The following PHF3 variants were observed in gnomAD, a reference collection of about 807,000 sequenced individuals.
The protein encoded by PHF3 is PHD finger protein 3.
PHF3 carries 41 observed loss-of-function variants against 178.4 expected under a neutral mutation model. That is an observed-to-expected ratio of 0.23 (90% CI 0.18 to 0.30). The LOEUF (loss-of-function observed/expected upper bound fraction) is 0.30. Ranked by LOEUF, PHF3 falls within the 10% of genes least tolerant of loss-of-function variation. The probability of loss-of-function intolerance (pLI) is 1.00; values close to 1 mark genes in which losing one functional copy is unlikely to be tolerated. For synonymous variants in PHF3, 842 were observed against 800.5 expected, an observed-to-expected ratio of 1.05 and a Z score of -0.88; for missense variants, 2,346 against 2,398.1, an observed-to-expected ratio of 0.98 and a Z score of 0.45.
chr6:63,658,708 T>G (rs1021740704), intron 2 of PHF3, among the ~76,000 whole-genome samples: 1 of 145,216 alleles, frequency 6.9e-6, no homozygotes, highest in Non-Finnish European at 1.5e-5. Flanking sequence ...CCAATAGATT[T>G]TGTGTGTGTG....
intron 1 of PHF3, among the ~76,000 whole-genome samples, chr6:63,645,986 C>T (rs1337669955): frequency 2.0e-5 from 3 of 152,046 alleles, no homozygotes; most frequent in Admixed American, 2.0e-4. Context: ...TCTTCCCCCA[C>T]AATAAAAGCC....
At chr6:63,676,788 G>A (rs920308190) in intron 2 of PHF3, among the ~76,000 whole-genome samples, 1 of 152,198 alleles carries the variant, frequency 6.6e-6, no homozygotes, top group African/African-American at 2.4e-5. Context: ...AGTGATAACT[G>A]TGTGGAGAAT....
intron 2 of PHF3, among the ~76,000 whole-genome samples, chr6:63,655,170 T>G (rs1309400117): frequency 6.6e-6 from 1 of 152,044 alleles, no homozygotes. Context: ...TTCAAGCAAT[T>G]CTCCTGCCTC....
chr6:63,648,182 T>G (rs988320608), intron 2 of PHF3, among the ~76,000 whole-genome samples: 1 of 152,214 alleles, frequency 6.6e-6, no homozygotes, highest in Non-Finnish European at 1.5e-5. Context: ...GTGTTATTAC[T>G]TAGGTTTACA....
Position 63,636,082 on chromosome 6 carries a change from T to G in PHF3, c.-94T>G, listed in dbSNP as rs1215818770. 1 of 391,706 alleles carries G rather than the reference T, an allele frequency of 2.6e-6. No individual in the cohort carries two copies. The highest frequency in any genetic ancestry group is 2.1e-5 in the African/African-American group (1 of 48,234). 24.3% of individuals were successfully genotyped at this position (391,706 alleles called of 1,614,324 possible). On this transcript the variant is annotated 5_prime_UTR_variant, in exon 1 of 16. Transcript: ENST00000262043. ...CACCCACCGGGCCCCCTCCTCCTCC[T>G]CTTCGGCGGCGGCAGCGTCCACCAT...
intron 2 of PHF3, among the ~76,000 whole-genome samples, chr6:63,651,340 C>T (rs1467762157): frequency 6.6e-6 from 1 of 152,018 alleles, no homozygotes; most frequent in South Asian, 2.1e-4. Context: ...ATTTATTCCT[C>T]CTATCTAGCT....
In PHF3 at chr6:63,685,757, A is replaced by G. The variant is rs916172861; in HGVS notation, c.2035A>G (p.Lys679Glu). ...ACAACCCCGCCAAAGAAGAAGCAGC[A>G]AAAGTTTTTCTTTAGATGAGCCACC... is the stretch of plus-strand genomic sequence containing the variant. Reference protein sequence around the residue: ...NLQPRQRRSSKSFSLDEPPLF... With the variant: ...NLQPRQRRSSESFSLDEPPLF... Residue 679 changes from lysine to glutamate, a missense_variant, in exon 4 of 16, where the codon AAA becomes GAA. Lys to Glu is a moderately conservative substitution (Grantham distance 56, BLOSUM62 1). Transcript: ENST00000262043. The G allele has an allele frequency of 1.9e-6, 3 of 1,614,072 alleles. No individual in the cohort carries two copies. The highest frequency in any genetic ancestry group is 1.3e-5 in the African/African-American group (1 of 74,940).
chr6:63,694,049 G>A (rs191394232), intron 5 of PHF3, among the ~76,000 whole-genome samples: 11 of 152,248 alleles, frequency 7.2e-5, no homozygotes, highest in Admixed American at 2.0e-4. Context: ...ACTATATAGC[G>A]TTCCTCTCCC....
rs948292335 is a variant in PHF3 at position 63,694,596 on chromosome 6, A to G, written c.2512A>G (p.Arg838Gly). Residue 838 changes from arginine to glycine, a missense_variant, in exon 6 of 16, where the codon AGA (arginine) becomes GGA (glycine). Around this residue, in one of 8 missense-constraint regions of PHF3, gnomAD observed 252 missense variants for 232.0 expected, o/e 1.09. Transcript: ENST00000262043. ...KILKRESGEG[R>G]NSSDCRDNEI... is the part of the protein sequence containing the mutation. ...CATTTTCCAGGAGTCTGGTGAAGGC[A>G]GAAATTCATCAGACTGTAGAGATAA... The G allele has an allele frequency of 6.5e-7, 1 of 1,527,054 alleles. No individual in the cohort carries two copies. Among genetic ancestry groups the G allele is most frequent in the Admixed American group, 2.1e-5 (1 of 47,930 alleles). 94.6% of individuals were successfully genotyped at this position (1,527,054 alleles called of 1,614,324 possible).
intron 5 of PHF3, among the ~76,000 whole-genome samples, chr6:63,692,853 C>G (rs1160416456): frequency 2.0e-5 from 3 of 152,182 alleles, no homozygotes; most frequent in Non-Finnish European, 4.4e-5. Flanking sequence ...CTGAAATTTG[C>G]ATCCCTGAAT....
rs1036782500 is a variant in PHF3 at position 63,715,560 on chromosome 6, C to G, written c.*1852C>G. On this transcript the variant is annotated 3_prime_UTR_variant, in exon 16 of 16. Coordinates refer to ENST00000262043, the MANE Select transcript of PHF3 (RefSeq NM_001370348.2). ...AAACGAGTGGGTTAATGAATGAAAA[C>G]AAGCTTTTAGGTCAGTTTTTGATCA... is the stretch of plus-strand genomic sequence containing the variant. 1.3e-5 allele frequency: 2 copies of G among 152,042 alleles called. No homozygotes were observed. The highest frequency in any genetic ancestry group is 4.8e-5 in the African/African-American group (2 of 41,416). 9.4% of individuals were successfully genotyped at this position (152,042 alleles called of 1,614,324 possible).
At chr6:63,669,824 A>G (rs1765832779) in intron 2 of PHF3, among the ~76,000 whole-genome samples, 2 of 152,200 alleles carry the variant, frequency 1.3e-5, no homozygotes, top group African/African-American at 4.8e-5. Context: ...ATGGAGCAAG[A>G]TACATTTTAC....
intron 2 of PHF3, among the ~76,000 whole-genome samples, chr6:63,649,423 A>ATATGTAT (rs2149542949): frequency 6.6e-6 from 1 of 152,310 alleles, no homozygotes; most frequent in African/African-American, 2.4e-5. Context: ...AAATAATCCT[A>ATATGTAT]TATGTATTCC....
chr6:63,664,994 A>G (rs1177186068), intron 2 of PHF3, among the ~76,000 whole-genome samples: 2 of 152,154 alleles, frequency 1.3e-5, no homozygotes, highest in Admixed American at 6.5e-5. Flanking sequence ...ACTACTAGGA[A>G]GTGGTTACAT....
rs1197462705 is a variant in PHF3, at chr6:63,716,681, T to C, written c.*2973T>C. On this transcript the variant is annotated 3_prime_UTR_variant, in exon 16 of 16. Coordinates refer to ENST00000262043, the MANE Select transcript of PHF3 (RefSeq NM_001370348.2). ...GAGACTTTCAGGGAGATTCCTTTTT[T>C]TTTGCGCCTTGGTTTCTAGCTTCTA... Among the ~76,000 whole-genome samples the C allele has an allele frequency of 6.6e-6, 1 of 151,984 alleles. No homozygotes were observed. The highest frequency in any genetic ancestry group is 2.4e-5 in the African/African-American group (1 of 41,390).
intron 5 of PHF3, among the ~76,000 whole-genome samples, chr6:63,694,217 A>G (rs923382246): frequency 6.6e-6 from 1 of 152,242 alleles, no homozygotes. Flanking sequence ...GCCAATAGGC[A>G]TACTGAGAAC....
At chr6:63,700,696 G>T (rs1213404771) in intron 9 of PHF3, among the ~76,000 whole-genome samples, 1 of 152,064 alleles carries the variant, frequency 6.6e-6, no homozygotes, top group Non-Finnish European at 1.5e-5. Context: ...TGATTCTCCT[G>T]CCTCAGCCTC....
In PHF3 at chr6:63,684,176, G is replaced by A. The variant is rs34188763; in HGVS notation, c.454G>A (p.Ala152Thr). 2 of 1,613,528 alleles carry A rather than the reference G, an allele frequency of 1.2e-6. No individual in the cohort carries two copies. The highest frequency in any genetic ancestry group is 1.7e-5 in the Admixed American group (1 of 59,932). Residue 152 changes from alanine to threonine, a missense_variant, in exon 4 of 16, where the codon GCA becomes ACA. Coordinates refer to ENST00000262043, the MANE Select transcript of PHF3 (RefSeq NM_001370348.2). ...GAGCACTATTGCCAAGCGTTCAAAT[G>A]CAGCACCATTAAGTAACACAAAAAA... ...RQSTIAKRSN[A>T]APLSNTKKAS...
Position 63,685,750 on chromosome 6 carries a change from A to C in PHF3, c.2028A>C (p.Arg676Ser), listed in dbSNP as rs201119166. ...PEKNLQPRQRRSSKSFSLDEP... is the reference protein window; with the variant it reads ...PEKNLQPRQRSSSKSFSLDEP... ...AGAACCTACAACCCCGCCAAAGAAG[A>C]AGCAGCAAAAGTTTTTCTTTAGATG... The change falls in exon 4 of 16, where the codon AGA (arginine) becomes AGC (serine). Residue 676 changes from arginine to serine, a missense_variant. Arg to Ser is a moderately radical substitution (Grantham distance 110). Transcript: ENST00000262043. 4.1e-5 allele frequency: 66 copies of C among 1,614,138 alleles called. No individual in the cohort carries two copies. The highest frequency in any genetic ancestry group is 9.9e-5 in the South Asian group (9 of 91,080).
Sources: allele counts gnomAD v4.1 joint callset (sites outside exome capture counted in the v4.1 genomes callset), GRCh38; gene constraint gnomAD v4.1.1; regional missense constraint gnomAD v4.1.1; transcripts MANE v1.5; gene names NCBI Gene and HGNC (gene_info 2026-07-23, HGNC 2026-07-21).